Variants in PLD3 observed in about 807,000 individuals in gnomAD.
The protein encoded by PLD3 is 5'-3' exonuclease PLD3.
Under a neutral mutation model 58.4 loss-of-function variants are expected in PLD3, and 31 were observed. The observed-to-expected ratio is 0.53, with a 90% CI of 0.40 to 0.72. The LOEUF is 0.72. Among genes scored for constraint, PLD3 ranks in the 30% least tolerant of loss-of-function variants. PLD3 has a pLI of 0.00. For synonymous variants in PLD3, 264 were observed against 273.4 expected (o/e 0.97, Z 0.34); for missense variants, 595 against 659.8 (o/e 0.90, Z 1.08).
At chr19:40,374,250 G>A (rs750764867) in intron 9 of PLD3, among the ~76,000 whole-genome samples, 7 of 152,146 alleles carry the variant, frequency 4.6e-5, no homozygotes, top group African/African-American at 2.4e-5. Context: ...GCCTGGGTTC[G>A]AATCCTGGCT....
rs781656714 is a variant in PLD3, at chr19:40,378,254, C to T, written c.*81C>T. 2 of 1,265,574 alleles carry T rather than the reference C, an allele frequency of 1.6e-6. No homozygotes were observed. The highest frequency in any genetic ancestry group is 2.9e-5 in the African/African-American group (2 of 68,954). The allele number at this position is 1,265,574 out of a possible 1,614,324, so 78.4% of individuals were successfully genotyped here. On this transcript the variant is annotated 3_prime_UTR_variant, in exon 13 of 13. Coordinates refer to ENST00000409735, the MANE Select transcript of PLD3 (RefSeq NM_012268.4). ...CTGGGTCACGGTCCCTGTCCCCGCG[C>T]CCCCGCTTCTGTCTGCCCCATTGTG... is the stretch of plus-strand genomic sequence containing the variant.
chr19:40,371,829 A>G lies in PLD3; in HGVS notation c.835A>G (p.Met279Val), dbSNP rs1451604220. The G allele has an allele frequency of 4.3e-6, 7 of 1,614,136 alleles. No homozygotes were observed. Among genetic ancestry groups the G allele is most frequent in the East Asian group, 2.2e-5 (1 of 44,884 alleles). The change falls in exon 9 of 13, where the codon ATG becomes GTG. Residue 279 changes from methionine to valine, a missense_variant. Transcript: ENST00000409735. The part of the protein sequence containing the change: ...YDTRYNQETP[M>V]EICLNGTPAL... ...CACCCGCTACAACCAAGAGACACCAATGGAGATCTGCCTCAATGGAACCCC... is the reference window on the plus strand; with the variant it reads ...CACCCGCTACAACCAAGAGACACCAGTGGAGATCTGCCTCAATGGAACCCC...
chr19:40,362,091 C>A (rs2078800891), intron 1 of PLD3, among the ~76,000 whole-genome samples: 1 of 152,152 alleles, frequency 6.6e-6, no homozygotes. Context: ...CCCACATCGG[C>A]CCCCCAAAGT....
chr19:40,378,233 G>A lies in PLD3; in HGVS notation c.*60G>A. The A allele has an allele frequency of 4.0e-6, 6 of 1,513,220 alleles. No individual in the cohort carries two copies. The South Asian group carries it at 6.8e-5, about 17-fold the overall frequency. The allele number at this position is 1,513,220 out of a possible 1,614,324, so 93.7% of individuals were successfully genotyped here. On this transcript the variant is annotated 3_prime_UTR_variant, in exon 13 of 13. Transcript: ENST00000409735. ...GCCCCCGCGGACCCAGGTGCTCTGGGTCACGGTCCCTGTCCCCGCGCCCCC... is the reference window on the plus strand; with the variant it reads ...GCCCCCGCGGACCCAGGTGCTCTGGATCACGGTCCCTGTCCCCGCGCCCCC...
In PLD3 at chr19:40,378,365, G is replaced by T. The variant is rs928873890; in HGVS notation, c.*192G>T. 13 of 696,632 alleles carry T rather than the reference G, an allele frequency of 1.9e-5. No homozygotes were observed. Among genetic ancestry groups the T allele is most frequent in the African/African-American group, 1.6e-4 (9 of 56,722 alleles). 43.2% of individuals were successfully genotyped at this position (696,632 alleles called of 1,614,324 possible). A position where few individuals can be genotyped will look rare whatever the true frequency, so the allele number is the denominator to read the frequency against. Reference sequence around the variant, plus strand: ...TGTGGCCCCGGGACCCAGCAGAGCTGGGGGAGGGATCAGCCCCCAAAGAAA... The same window carrying T: ...TGTGGCCCCGGGACCCAGCAGAGCTTGGGGAGGGATCAGCCCCCAAAGAAA... On this transcript the variant is annotated 3_prime_UTR_variant, in exon 13 of 13. Transcript: ENST00000409735.
chr19:40,363,189 C>T (rs948052719), intron 1 of PLD3, among the ~76,000 whole-genome samples: 32 of 152,192 alleles, frequency 2.1e-4, no homozygotes, highest in African/African-American at 7.7e-4. Flanking sequence ...ATCTTGGCTT[C>T]CCTAATTTCA....
chr19:40,359,307 C>T (rs2078725343), intron 1 of PLD3: 1 of 152,294 alleles, frequency 6.6e-6, no homozygotes, highest in African/African-American at 2.4e-5. Context: ...ACCTCAGCCT[C>T]CCAAAGTGCT....
intron 10 of PLD3, among the ~76,000 whole-genome samples, chr19:40,375,679 A>G: frequency 6.6e-6 from 1 of 151,380 alleles, no homozygotes; most frequent in Non-Finnish European, 1.5e-5. Flanking sequence ...GAAAAAAAAA[A>G]AGAAGGATAA....
intron 1 of PLD3, among the ~76,000 whole-genome samples, chr19:40,363,117 G>A (rs918445528): frequency 3.5e-4 from 54 of 152,118 alleles, no homozygotes; most frequent in African/African-American, 1.2e-3. Flanking sequence ...CAGCCCTGAC[G>A]CTGCCAGCCC....
At chr19:40,374,355 C>A in intron 9 of PLD3, 126 bp from the exon 10 acceptor site, 1 of 999,540 alleles carries the variant, frequency 1.0e-6, no homozygotes, top group Non-Finnish European at 1.5e-6. Flanking sequence ...TGACCCTCTT[C>A]TTCATGGAGG....
chr19:40,376,866 A>G (rs1336070741), intron 11 of PLD3, 92 bp downstream of exon 11: 9 of 1,227,560 alleles, frequency 7.3e-6, no homozygotes, highest in Non-Finnish European at 9.0e-6. Flanking sequence ...TGACAAGGGC[A>G]GCCCAGAGTG....
At position 40,374,585 on chromosome 19, in the gene PLD3, C is replaced by G. The variant is rs1229470250; in HGVS notation, c.984C>G (p.Asn328Lys). The G allele has an allele frequency of 6.2e-7, 1 of 1,614,176 alleles. No homozygotes were observed. The highest frequency in any genetic ancestry group is 8.5e-7 in the Non-Finnish European group (1 of 1,180,028). ...ARSFIYVAVM[N>K]YLPTLEFSHP... is the part of the protein sequence containing the mutation. ...GTTTCATCTACGTCGCTGTCATGAA[C>G]TACCTGCCCACTCTGGAGTTCTCCC... The change falls in exon 10 of 13, where the codon AAC becomes AAG. Residue 328 changes from asparagine (N) to lysine (K), a missense_variant. Coordinates refer to ENST00000409735, the MANE Select transcript of PLD3 (RefSeq NM_012268.4).
At chr19:40,353,210 A>T (rs1600256003) in intron 1 of PLD3, among the ~76,000 whole-genome samples, 1 of 152,254 alleles carries the variant, frequency 6.6e-6, no homozygotes, top group Non-Finnish European at 1.5e-5. Flanking sequence ...TGGGCAGATC[A>T]CTCGAGGTCA....
chr19:40,374,871 G>A (rs941462894), intron 10 of PLD3: 1 of 513,936 alleles, frequency 1.9e-6, no homozygotes, highest in East Asian at 3.4e-5. Context: ...AAAAGGATGA[G>A]AGGGCCGGGC....
At chr19:40,363,729 C>A (rs2145679938) in intron 1 of PLD3, among the ~76,000 whole-genome samples, 1 of 152,248 alleles carries the variant, frequency 6.6e-6, no homozygotes, top group Middle Eastern at 3.4e-3. Flanking sequence ...CCACACCCGA[C>A]CTGCTAGATC....
At chr19:40,370,050 G>T (rs1408858439) in intron 7 of PLD3, 22 bp downstream of exon 7, 1 of 1,570,002 alleles carries the variant, frequency 6.4e-7, no homozygotes, top group Admixed American at 1.9e-5. Flanking sequence ...CCCAACTGGG[G>T]CTGGTCTGGG....
intron 1 of PLD3, chr19:40,360,088 A>G (rs2078744553): frequency 1.3e-5 from 2 of 152,098 alleles, no homozygotes; most frequent in African/African-American, 4.8e-5. Flanking sequence ...CTTTTCCCCA[A>G]ACTTGTGTCT....
chr19:40,368,123 G>A (rs1188248505), intron 6 of PLD3, among the ~76,000 whole-genome samples: 1 of 152,134 alleles, frequency 6.6e-6, no homozygotes, highest in Non-Finnish European at 1.5e-5. Context: ...GGGATTATTA[G>A]GCTGGCAGAT....
At chr19:40,363,873 G>A (rs1380226359) in intron 1 of PLD3, among the ~76,000 whole-genome samples, 2 of 152,180 alleles carry the variant, frequency 1.3e-5, no homozygotes, top group Admixed American at 1.3e-4. Context: ...GTTGGATCTT[G>A]GAGTAAGGGG....
Sources: allele counts gnomAD v4.1 joint callset (sites outside exome capture counted in the v4.1 genomes callset), GRCh38; gene constraint gnomAD v4.1.1; transcripts MANE v1.5; gene names NCBI Gene and HGNC (gene_info 2026-07-23, HGNC 2026-07-21).